SLC25A34: variants seen among roughly 807,000 people sequenced by gnomAD.
SLC25A34 encodes the protein solute carrier family 25, member 34.
In SLC25A34, 26 loss-of-function variants were observed where a neutral mutation model predicts 28.1. The observed-to-expected ratio is 0.93, with a 90% CI of 0.68 to 1.28. The LOEUF (loss-of-function observed/expected upper bound fraction) is 1.28. SLC25A34 is among the 50% of genes most tolerant of loss of function. The pLI, the probability that SLC25A34 is intolerant of heterozygous loss-of-function variation, is 0.00. For synonymous variants in SLC25A34, 182 were observed against 182.2 expected, an observed-to-expected ratio of 1.00 and a Z score of 0.01; for missense variants, 384 against 409.8, an observed-to-expected ratio of 0.94 and a Z score of 0.54.
Position 15,739,314 on chromosome 1 carries a change from T to C in SLC25A34, c.823T>C (p.Tyr275His). The C allele has an allele frequency of 1.2e-6, 2 of 1,610,560 alleles. No individual in the cohort carries two copies. Among genetic ancestry groups the C allele is most frequent in the Non-Finnish European group, 1.7e-6 (2 of 1,178,744 alleles). Reference sequence around the variant, plus strand: ...ACTCTACAAGGGCCTGGGCCCCGCCTACCTGCGCCTGGGCCCCCACACCAT... The same window carrying C: ...ACTCTACAAGGGCCTGGGCCCCGCCCACCTGCGCCTGGGCCCCCACACCAT... ...LALYKGLGPA[Y>H]LRLGPHTILS... The change falls in exon 5 of 5, where the codon TAC becomes CAC. Residue 275 changes from tyrosine to histidine, a missense_variant. Coordinates refer to ENST00000294454, the MANE Select transcript of SLC25A34 (RefSeq NM_207348.3).
intron 4 of SLC25A34, 182 bp downstream of exon 4, chr1:15,738,910 A>G: frequency 1.3e-6 from 1 of 756,630 alleles, no homozygotes; most frequent in Non-Finnish European, 2.0e-6. Flanking sequence ...GGTCCCAGGC[A>G]CAGGCTAAGC....
Position 15,740,631 on chromosome 1 carries a change from C to T in SLC25A34, c.*1225C>T, listed in dbSNP as rs2068270922. 6.6e-6 allele frequency: 1 copy of T among 152,154 alleles called. No individual in the cohort carries two copies. The highest frequency in any genetic ancestry group is 2.4e-5 in the African/African-American group (1 of 41,390). 9.4% of individuals were successfully genotyped at this position (152,154 alleles called of 1,614,324 possible). A position where few individuals can be genotyped will look rare whatever the true frequency, so the allele number is the denominator to read the frequency against. On this transcript the variant is annotated 3_prime_UTR_variant, in exon 5 of 5. Transcript: ENST00000294454. The stretch of plus-strand genomic sequence containing the variant: ...AGCCTATCTCCATATACAGTCACAT[C>T]CTGAGCTACTAGGGGGTAGGACTTC...
At position 15,740,466 on chromosome 1, in the gene SLC25A34, T is replaced by TG. The variant is rs1460192840; in HGVS notation, c.*1064dup. ...CCAATTTTTGTATCTTTAGTAGAGA[T>TG]GGGGTTTTGCCATGTTGGCCAGACT... On this transcript the variant is annotated 3_prime_UTR_variant, in exon 5 of 5. Transcript: ENST00000294454. 6.6e-6 allele frequency: 1 copy of TG among 151,820 alleles called. No homozygotes were observed. The highest frequency in any genetic ancestry group is 1.5e-5 in the Non-Finnish European group (1 of 68,008). 9.4% of individuals were successfully genotyped at this position (151,820 alleles called of 1,614,324 possible).
At position 15,739,540 on chromosome 1, in the gene SLC25A34, A is replaced by C; in HGVS notation, c.*134A>C. 2 of 1,074,782 alleles carry C rather than the reference A, an allele frequency of 1.9e-6. No homozygotes were observed. Among genetic ancestry groups the C allele is most frequent in the South Asian group, 3.9e-5 (2 of 50,972 alleles). The allele number at this position is 1,074,782 out of a possible 1,614,324, so 66.6% of individuals were successfully genotyped here. A position where few individuals can be genotyped will look rare whatever the true frequency, so the allele number is the denominator to read the frequency against. On this transcript the variant is annotated 3_prime_UTR_variant, in exon 5 of 5. Coordinates refer to ENST00000294454, the MANE Select transcript of SLC25A34 (RefSeq NM_207348.3). ...CCAGAGGTCCCGGGAGAGTGTGGACAGCTCTGGTCCATCCAGCCCCTTGGC... is the reference window on the plus strand; with the variant it reads ...CCAGAGGTCCCGGGAGAGTGTGGACCGCTCTGGTCCATCCAGCCCCTTGGC...
intron 3 of SLC25A34, 55 bp from the exon 4 acceptor site, chr1:15,738,539 G>T: frequency 6.4e-7 from 1 of 1,566,450 alleles, no homozygotes. Flanking sequence ...GGGAGGGCAC[G>T]ACGTGGGTGG....
intron 1 of SLC25A34, 85 bp from the exon 2 acceptor site, chr1:15,737,843 CG>C (rs2148389280): frequency 1.4e-6 from 2 of 1,479,348 alleles, no homozygotes; most frequent in South Asian, 1.2e-5. Flanking sequence ...TTCAGGGGCA[CG>C]GGGGCAGGGC....
chr1:15,739,327 GC>G lies in SLC25A34; in HGVS notation c.841del (p.His281ThrfsTer117). ...CTGGGCCCCGCCTACCTGCGCCTGGGCCCCCACACCATCCTCAGCATGCTCT... is the reference window on the plus strand; with the variant it reads ...CTGGGCCCCGCCTACCTGCGCCTGGGCCCCACACCATCCTCAGCATGCTCT... The part of the protein sequence containing the change: ...KGLGPAYLRL[G>X]PHTILSMLFW... On this transcript the variant is annotated frameshift_variant, in exon 5 of 5. Transcript: ENST00000294454. LOFTEE classifies it high-confidence loss of function. The G allele has an allele frequency of 6.2e-7, 1 of 1,610,322 alleles. No individual in the cohort carries two copies. The highest frequency in any genetic ancestry group is 8.5e-7 in the Non-Finnish European group (1 of 1,178,644).
At position 15,737,935 on chromosome 1, in the gene SLC25A34, A is replaced by G; in HGVS notation, c.385A>G (p.Thr129Ala). ...FVGSPAYLIK[T>A]QLQAQTVAAV... The stretch of plus-strand genomic sequence containing the variant: ...GTCCTCTCTGCTCCCATAGATCAAA[A>G]CGCAGCTGCAAGCTCAGACAGTGGC... Residue 129 changes from threonine (T) to alanine (A), a missense_variant, in exon 2 of 5, where the codon ACG becomes GCG. Coordinates refer to ENST00000294454, the MANE Select transcript of SLC25A34 (RefSeq NM_207348.3). The G allele has an allele frequency of 6.2e-7, 1 of 1,613,902 alleles. No homozygotes were observed. Among genetic ancestry groups the G allele is most frequent in the Non-Finnish European group, 8.5e-7 (1 of 1,179,988 alleles).
intron 1 of SLC25A34, among the ~76,000 whole-genome samples, chr1:15,737,242 A>G (rs910253174): frequency 2.6e-5 from 4 of 152,250 alleles, no homozygotes; most frequent in African/African-American, 7.2e-5. Flanking sequence ...AGGGCCACCC[A>G]AAACAAATAA....
chr1:15,736,689 C>T lies in SLC25A34; in HGVS notation c.204C>T (p.Gly68=), dbSNP rs1189406836. The change falls in exon 1 of 5, where the codon GGC becomes GGT. Residue 68 remains glycine, a synonymous_variant. Coordinates refer to ENST00000294454, the MANE Select transcript of SLC25A34 (RefSeq NM_207348.3). ...TGGCCCGAGCAGACGGGCTGTGGGGCCTGCAGAAGGGGCTGGCTGCCGGCC... is the reference window on the plus strand; with the variant it reads ...TGGCCCGAGCAGACGGGCTGTGGGGTCTGCAGAAGGGGCTGGCTGCCGGCC... The part of the protein sequence containing the change: ...AAVARADGLW[G]LQKGLAAGLL... The T allele has an allele frequency of 6.2e-6, 10 of 1,609,456 alleles. No individual in the cohort carries two copies. The East Asian group carries it at 6.7e-5, about 11-fold the overall frequency.
At position 15,739,882 on chromosome 1, in the gene SLC25A34, C is replaced by G. The variant is rs1247355864; in HGVS notation, c.*476C>G. On this transcript the variant is annotated 3_prime_UTR_variant, in exon 5 of 5. Coordinates refer to ENST00000294454, the MANE Select transcript of SLC25A34 (RefSeq NM_207348.3). The stretch of plus-strand genomic sequence containing the variant: ...GGACTGGAGCTTAGCCCTGCTCACC[C>G]TAGACCTATGCGCTTGACAAGTGCG... 6.5e-6 allele frequency: 1 copy of G among 153,140 alleles called. No homozygotes were observed. The highest frequency in any genetic ancestry group is 6.5e-5 in the Admixed American group (1 of 15,348). The allele number at this position is 153,140 out of a possible 1,614,324, so 9.5% of individuals were successfully genotyped here. A position where few individuals can be genotyped will look rare whatever the true frequency, so the allele number is the denominator to read the frequency against.
intron 1 of SLC25A34, 133 bp downstream of exon 1, chr1:15,736,996 G>A: frequency 8.1e-7 from 1 of 1,241,824 alleles, no homozygotes; most frequent in South Asian, 1.6e-5. Flanking sequence ...CTGCTCCCTG[G>A]AACATCCTAG....
Position 15,739,455 on chromosome 1 carries a change from A to G in SLC25A34, c.*49A>G. On this transcript the variant is annotated 3_prime_UTR_variant, in exon 5 of 5. Transcript: ENST00000294454. ...CTGACACGGCCGGCACTTGGCCGGAAGTGAGAGCCTGCTCCAGGACAACTG... is the reference window on the plus strand; with the variant it reads ...CTGACACGGCCGGCACTTGGCCGGAGGTGAGAGCCTGCTCCAGGACAACTG... 1 of 1,483,162 alleles carries G rather than the reference A, an allele frequency of 6.7e-7. No individual in the cohort carries two copies. The highest frequency in any genetic ancestry group is 2.6e-4 in the Middle Eastern group (1 of 3,906). The allele number at this position is 1,483,162 out of a possible 1,614,324, so 91.9% of individuals were successfully genotyped here. A position where few individuals can be genotyped will look rare whatever the true frequency, so the allele number is the denominator to read the frequency against.
In SLC25A34 at chr1:15,737,951, A is replaced by C. The variant is rs1489629768; in HGVS notation, c.401A>C (p.Gln134Pro). Residue 134 changes from glutamine to proline, a missense_variant, in exon 2 of 5, where the codon CAG becomes CCG. Transcript: ENST00000294454. ...AYLIKTQLQAQTVAAVAVGHQ... is the reference protein window; with the variant it reads ...AYLIKTQLQAPTVAAVAVGHQ... ...TAGATCAAAACGCAGCTGCAAGCTCAGACAGTGGCCGCAGTGGCCGTGGGA... is the reference window on the plus strand; with the variant it reads ...TAGATCAAAACGCAGCTGCAAGCTCCGACAGTGGCCGCAGTGGCCGTGGGA... The C allele has an allele frequency of 1.2e-6, 2 of 1,614,092 alleles. No individual in the cohort carries two copies. The highest frequency in any genetic ancestry group is 1.7e-5 in the Admixed American group (1 of 60,026).
intron 3 of SLC25A34, 42 bp downstream of exon 3, chr1:15,738,287 C>T (rs1279167414): frequency 6.5e-7 from 1 of 1,545,870 alleles, no homozygotes; most frequent in Non-Finnish European, 8.7e-7. Flanking sequence ...CAGAGACACA[C>T]CGGACTGAGG....
In SLC25A34 at chr1:15,736,770, C is replaced by A. The variant is rs775506240; in HGVS notation, c.285C>A (p.Cys95Ter). 6.2e-5 allele frequency: 100 copies of A among 1,606,622 alleles called. No individual in the cohort carries two copies. Among genetic ancestry groups the A allele is most frequent in the Non-Finnish European group, 8.1e-5 (96 of 1,179,208 alleles). The change falls in exon 1 of 5, where the codon TGC becomes TGA. Residue 95 changes from cysteine to a stop codon, truncating the protein, a stop_gained. Transcript: ENST00000294454. LOFTEE classifies it high-confidence loss of function. ...GVRFYCYSLA[C>*]QAGLTQQPGG... ...GTTTCTACTGCTACAGCCTGGCGTG[C>A]CAGGCTGGCCTCACGCAGCAACCAG...
Position 15,736,708 on chromosome 1 carries a change from G to T in SLC25A34, c.223G>T (p.Ala75Ser). 1 of 1,609,740 alleles carries T rather than the reference G, an allele frequency of 6.2e-7. No individual in the cohort carries two copies. Residue 75 changes from alanine (A) to serine (S), a missense_variant, in exon 1 of 5, where the codon GCC becomes TCC. Coordinates refer to ENST00000294454, the MANE Select transcript of SLC25A34 (RefSeq NM_207348.3). ...GTGGGGCCTGCAGAAGGGGCTGGCT[G>T]CCGGCCTTCTGTACCAAGGCCTCAT... is the stretch of plus-strand genomic sequence containing the variant. The part of the protein sequence containing the change: ...GLWGLQKGLA[A>S]GLLYQGLMNG...
At chr1:15,739,133 G>A in intron 4 of SLC25A34, 91 bp from the exon 5 acceptor site, 1 of 1,480,952 alleles carries the variant, frequency 6.8e-7, no homozygotes, top group East Asian at 2.3e-5. Context: ...CATAGGGTGT[G>A]TGGGGGTGAA....
In SLC25A34 at chr1:15,739,323, C is replaced by T. The variant is rs367901834; in HGVS notation, c.832C>T (p.Leu278=). ...YKGLGPAYLR[L]GPHTILSMLF... ...GGGCCTGGGCCCCGCCTACCTGCGC[C>T]TGGGCCCCCACACCATCCTCAGCAT... The change falls in exon 5 of 5, where the codon CTG becomes TTG. Residue 278 remains leucine, a synonymous_variant. Transcript: ENST00000294454. 1 of 1,610,696 alleles carries T rather than the reference C, an allele frequency of 6.2e-7. No individual in the cohort carries two copies.
Sources: gnomAD v4.1 joint callset for allele counts (sites outside exome capture counted in the v4.1 genomes callset) on GRCh38, gnomAD v4.1.1 for gene constraint, MANE v1.5 for transcripts, NCBI Gene and HGNC (gene_info 2026-07-23, HGNC 2026-07-21) for gene names.